Variants in ATP9B observed in about 807,000 individuals in gnomAD.
ATP9B encodes the protein probable phospholipid-transporting ATPase IIB.
ATP9B carries 110 observed loss-of-function variants against 146.1 expected under a neutral mutation model. That is an observed-to-expected ratio of 0.75 (90% CI 0.65 to 0.88). The LOEUF is 0.88. Among genes scored for constraint, ATP9B ranks in the 40% least tolerant of loss-of-function variants. ATP9B has a pLI of 0.00. For missense variants in ATP9B, 1,499 were observed against 1,496.4 expected, an observed-to-expected ratio of 1.00 and a Z score of -0.03; for synonymous variants, 604 against 569.7, an observed-to-expected ratio of 1.06 and a Z score of -0.86.
chr18:79,207,303 A>G (rs1470706052), intron 10 of ATP9B, among the ~76,000 whole-genome samples: 1 of 152,164 alleles, frequency 6.6e-6, no homozygotes, highest in Non-Finnish European at 1.5e-5. Context: ...TTTCTTGACA[A>G]ACTTGTCAGT....
In ATP9B at chr18:79,344,426, CTGTT is replaced by C. The variant is rs1198966374; in HGVS notation, c.2472+76_2472+79del. ...GCAAGGCTGGTCCCTGGCTGAGTGT[CTGTT>C]TGTCTCTCAGGCAAGGCTGGACCCT... On this transcript the variant is annotated intron_variant, in intron 21 of 29. Transcript: ENST00000426216. 3.5e-5 allele frequency: 49 copies of C among 1,383,714 alleles called. No individual in the cohort carries two copies. In the East Asian group the frequency reaches 3.9e-4, roughly 11 times the overall value. 85.7% of individuals were successfully genotyped at this position (1,383,714 alleles called of 1,614,324 possible). A position where few individuals can be genotyped will look rare whatever the true frequency, so the allele number is the denominator to read the frequency against.
chr18:79,251,035 T>C (rs1317925515), intron 11 of ATP9B, among the ~76,000 whole-genome samples: 1 of 152,250 alleles, frequency 6.6e-6, no homozygotes, highest in Non-Finnish European at 1.5e-5. Context: ...TGTTGCTGTA[T>C]TGCAACATGG....
intron 12 of ATP9B, among the ~76,000 whole-genome samples, chr18:79,272,828 T>C (rs1373965797): frequency 6.6e-6 from 1 of 152,254 alleles, no homozygotes; most frequent in African/African-American, 2.4e-5. Context: ...ACTCTACAGA[T>C]GCTGTTCCCG....
intron 13 of ATP9B, among the ~76,000 whole-genome samples, chr18:79,294,640 A>G (rs1447076549): frequency 6.6e-6 from 1 of 152,240 alleles, no homozygotes; most frequent in Non-Finnish European, 1.5e-5. Context: ...AGTGTAAAAA[A>G]CTATGACACA....
Position 79,330,024 on chromosome 18 carries a change from G to T in ATP9B, c.1948G>T (p.Ala650Ser). Residue 650 changes from alanine (A) to serine (S), a missense_variant, in exon 17 of 30, where the codon GCA becomes TCA. Physicochemically the swap from Ala to Ser is moderately conservative, Grantham distance 99 (BLOSUM62 1). Coordinates refer to ENST00000426216, the MANE Select transcript of ATP9B (RefSeq NM_198531.5). ...MGVIVRDEST[A>S]EITFYMKGAD... is the part of the protein sequence containing the mutation. ...TGTTCTTTGATAGGATGAATCCACG[G>T]CAGAAATCACATTCTACATGAAGGG... 1 of 1,614,052 alleles carries T rather than the reference G, an allele frequency of 6.2e-7. No individual in the cohort carries two copies. The highest frequency in any genetic ancestry group is 8.5e-7 in the Non-Finnish European group (1 of 1,179,906).
chr18:79,321,326 C>T (rs2096714704), intron 15 of ATP9B, among the ~76,000 whole-genome samples: 2 of 152,078 alleles, frequency 1.3e-5, no homozygotes, highest in Non-Finnish European at 2.9e-5. Flanking sequence ...AGCAAAGATG[C>T]TAAAAGTACT....
At chr18:79,366,269 T>C (rs1166057870) in intron 26 of ATP9B, among the ~76,000 whole-genome samples, 1 of 152,086 alleles carries the variant, frequency 6.6e-6, no homozygotes, top group Admixed American at 6.5e-5. Context: ...TGACCGTGCC[T>C]CTCTCAGAGC....
intron 13 of ATP9B, among the ~76,000 whole-genome samples, chr18:79,286,244 C>A (rs2096439889): frequency 6.6e-6 from 1 of 152,122 alleles, no homozygotes; most frequent in Middle Eastern, 3.4e-3. Context: ...TTCTTCCTAC[C>A]CATGAGCATG....
At chr18:79,359,593 T>C in intron 26 of ATP9B, 131 bp downstream of exon 26, 1 of 701,580 alleles carries the variant, frequency 1.4e-6, no homozygotes, top group Non-Finnish European at 2.5e-6. Flanking sequence ...TCCTTGAAGA[T>C]GTTTTTTATG....
chr18:79,113,038 A>G (rs966214480), intron 3 of ATP9B, among the ~76,000 whole-genome samples: 1 of 152,182 alleles, frequency 6.6e-6, no homozygotes, highest in Non-Finnish European at 1.5e-5. Flanking sequence ...TTTAAAATAT[A>G]TTTTGGGAGT....
intron 1 of ATP9B, chr18:79,085,257 C>T (rs2073702933): frequency 6.6e-6 from 1 of 152,290 alleles, no homozygotes; most frequent in Non-Finnish European, 1.5e-5. Context: ...ATGAGAGGAC[C>T]ACCCCCTACC....
At chr18:79,091,517 T>C (rs139431584) in intron 1 of ATP9B, among the ~76,000 whole-genome samples, 4 of 152,332 alleles carry the variant, frequency 2.6e-5, no homozygotes, top group African/African-American at 4.8e-5. Flanking sequence ...AGTTAATTCC[T>C]AGGTATTTAA....
intron 13 of ATP9B, among the ~76,000 whole-genome samples, chr18:79,295,751 G>A (rs1599720837): frequency 6.6e-6 from 1 of 152,278 alleles, no homozygotes; most frequent in East Asian, 1.9e-4. Flanking sequence ...AGGTGACTGG[G>A]TCATGGGGCA....
intron 11 of ATP9B, among the ~76,000 whole-genome samples, chr18:79,236,612 G>A (rs1439614999): frequency 2.0e-5 from 3 of 152,210 alleles, no homozygotes; most frequent in Non-Finnish European, 4.4e-5. Flanking sequence ...ATAAGAAGAA[G>A]TAGGGACCCA....
intron 15 of ATP9B, among the ~76,000 whole-genome samples, chr18:79,317,461 A>G (rs2096687312): frequency 1.3e-5 from 2 of 152,330 alleles, no homozygotes; most frequent in South Asian, 4.1e-4. Context: ...ATGAGGAAAC[A>G]TCACCTGAAT....
intron 13 of ATP9B, among the ~76,000 whole-genome samples, chr18:79,290,346 GC>G (rs1568589449): frequency 6.6e-6 from 1 of 152,240 alleles, no homozygotes; most frequent in Non-Finnish European, 1.5e-5. Flanking sequence ...CAGCCTTGCT[GC>G]CGCCTTGCAG....
chr18:79,181,290 G>C (rs1207291540), intron 8 of ATP9B, among the ~76,000 whole-genome samples: 1 of 152,080 alleles, frequency 6.6e-6, no homozygotes, highest in African/African-American at 2.4e-5. Flanking sequence ...TTCCTGTTTT[G>C]ACTGGCTTTC....
At chr18:79,292,162 C>CT (rs1182690738) in intron 13 of ATP9B, among the ~76,000 whole-genome samples, 1 of 152,236 alleles carries the variant, frequency 6.6e-6, no homozygotes, top group African/African-American at 2.4e-5. Context: ...GTTGTTTCTA[C>CT]TTTTTGCCTA....
At chr18:79,078,542 C>A (rs1455357342) in intron 1 of ATP9B, among the ~76,000 whole-genome samples, 2 of 150,694 alleles carry the variant, frequency 1.3e-5, no homozygotes, top group Non-Finnish European at 3.0e-5. Flanking sequence ...TACATTTTTT[C>A]TTTTTTCTTC....
Sources: allele counts gnomAD v4.1 joint callset (sites outside exome capture counted in the v4.1 genomes callset), GRCh38; gene constraint gnomAD v4.1.1; transcripts MANE v1.5; gene names NCBI Gene and HGNC (gene_info 2026-07-23, HGNC 2026-07-21).